The following MAGI2 variants were observed in gnomAD, a reference collection of about 807,000 sequenced individuals.
The protein encoded by MAGI2 is membrane-associated guanylate kinase, WW and PDZ domain-containing protein 2.
A neutral mutation model predicts 133.3 loss-of-function variants in MAGI2; 35 were observed. That is an observed-to-expected ratio of 0.26 (90% CI 0.20 to 0.35). The LOEUF is 0.35. Ranked by LOEUF, MAGI2 falls within the 10% of genes least tolerant of loss-of-function variation. The pLI is 1.00. For missense variants in MAGI2, 1,636 were observed against 1,863.4 expected, an observed-to-expected ratio of 0.88 and a Z score of 2.25; for synonymous variants, 729 against 710.6, an observed-to-expected ratio of 1.03 and a Z score of -0.41.
At chr7:79,355,222 G>C (rs948926248) in intron 1 of MAGI2, among the ~76,000 whole-genome samples, 2 of 152,154 alleles carry the variant, frequency 1.3e-5, no homozygotes, top group Admixed American at 1.3e-4. Flanking sequence ...GGTTCCCCAG[G>C]CAGCATAAAA....
At chr7:79,406,678 T>C (rs1845826913) in intron 1 of MAGI2, among the ~76,000 whole-genome samples, 1 of 152,124 alleles carries the variant, frequency 6.6e-6, no homozygotes, top group African/African-American at 2.4e-5. Context: ...ACTTTTGAGT[T>C]ACATAAGGAT....
intron 2 of MAGI2, among the ~76,000 whole-genome samples, chr7:78,655,454 C>CAAAAAAAAAAAAAAAAAAAAAAAACAAA: frequency 2.2e-4 from 14 of 64,944 alleles, no homozygotes; most frequent in African/African-American, 2.5e-4. Context: ...AAAAAACAAC[C>CAAAAAAAAAAAAAAAAAAAAAAAACAAA]AAAAAAAAAA....
intron 6 of MAGI2, among the ~76,000 whole-genome samples, chr7:78,472,651 T>C (rs1791338169): frequency 6.6e-6 from 1 of 152,154 alleles, no homozygotes. Flanking sequence ...AACTGCAATA[T>C]CATTCCTCTT....
At chr7:78,817,790 A>T (rs2151421499) in intron 2 of MAGI2, among the ~76,000 whole-genome samples, 1 of 151,666 alleles carries the variant, frequency 6.6e-6, no homozygotes, top group South Asian at 2.1e-4. Context: ...GCTTACTGCA[A>T]CCTCTGCCTC....
At chr7:78,482,857 T>C (rs568987810) in intron 6 of MAGI2, among the ~76,000 whole-genome samples, 6 of 147,818 alleles carry the variant, frequency 4.1e-5, no homozygotes, top group African/African-American at 1.2e-4. Flanking sequence ...TAACTACACA[T>C]GTGATATCAT....
intron 9 of MAGI2, among the ~76,000 whole-genome samples, chr7:78,291,338 T>C (rs1003698866): frequency 2.6e-5 from 4 of 152,066 alleles, no homozygotes; most frequent in Admixed American, 2.6e-4. Context: ...CTAGAAGAAA[T>C]GGATAAATTC....
intron 1 of MAGI2, among the ~76,000 whole-genome samples, chr7:79,433,904 G>T (rs1847957667): frequency 1.3e-5 from 2 of 152,162 alleles, no homozygotes; most frequent in Non-Finnish European, 2.9e-5. Context: ...AATGTATATT[G>T]TGATTTTCCT....
chr7:78,957,027 GC>G lies in MAGI2; in HGVS notation c.418+50062del, dbSNP rs1428206592. 2.0e-5 allele frequency among the ~76,000 whole-genome samples: 3 copies of G among 152,022 alleles called. No individual in the cohort carries two copies. In the East Asian group the frequency reaches 5.8e-4, roughly 29 times the overall value. ...GCCTGTAATCCCAGCACTTTGGGAG[GC>G]CGAGGTGGGTGGATCACCTGAGGTT... On this transcript the variant is annotated intron_variant, in intron 2 of 21. Transcript: ENST00000354212.
At chr7:78,922,146 TTTA>T (rs1345382409) in intron 2 of MAGI2, among the ~76,000 whole-genome samples, 8 of 87,370 alleles carry the variant, frequency 9.2e-5, no homozygotes, top group South Asian at 7.7e-4. Flanking sequence ...TCTTTCTTTC[TTTA>T]TTTTTTATTT....
chr7:78,286,748 G>T (rs757704129), intron 9 of MAGI2, among the ~76,000 whole-genome samples: 1 of 152,162 alleles, frequency 6.6e-6, no homozygotes, highest in Non-Finnish European at 1.5e-5. Flanking sequence ...GAAGCCCCAA[G>T]CATTGGTTCT....
intron 21 of MAGI2, among the ~76,000 whole-genome samples, chr7:78,069,880 T>A (rs1188701869): frequency 2.0e-5 from 3 of 151,888 alleles, no homozygotes; most frequent in African/African-American, 7.3e-5. Flanking sequence ...TCCTATTAGA[T>A]CCTAAAATAT....
chr7:78,084,209 T>C (rs1816364989), intron 20 of MAGI2, among the ~76,000 whole-genome samples: 1 of 152,224 alleles, frequency 6.6e-6, no homozygotes, highest in African/African-American at 2.4e-5. Context: ...TCATGAATAA[T>C]CTCTATTCCT....
At chr7:78,192,529 T>C (rs1433733892) in intron 12 of MAGI2, among the ~76,000 whole-genome samples, 5 of 151,282 alleles carry the variant, frequency 3.3e-5, no homozygotes, top group African/African-American at 9.7e-5. Flanking sequence ...CTGTCTTTTT[T>C]TTTTTTTTTT....
intron 2 of MAGI2, among the ~76,000 whole-genome samples, chr7:78,895,406 CTA>C (rs1232138468): frequency 1.3e-5 from 2 of 152,014 alleles, no homozygotes; most frequent in Non-Finnish European, 2.9e-5. Context: ...AAAACAGCAT[CTA>C]ACATATATAT....
intron 1 of MAGI2, among the ~76,000 whole-genome samples, chr7:79,226,641 T>C (rs1830885145): frequency 6.6e-6 from 1 of 152,180 alleles, no homozygotes; most frequent in Non-Finnish European, 1.5e-5. Flanking sequence ...TTTATTTCTA[T>C]CTTCCATTCT....
At chr7:78,693,845 C>T (rs12538564) in intron 2 of MAGI2, among the ~76,000 whole-genome samples, 4,533 of 152,238 alleles carry the variant, frequency 0.03, 112 homozygotes, top group Non-Finnish European at 0.046. Flanking sequence ...GCTGCCCACA[C>T]CCACCGCTGG....
chr7:78,804,761 A>AAAAAACAAAAAAC (rs1788406196), intron 2 of MAGI2, among the ~76,000 whole-genome samples: 2 of 143,524 alleles, frequency 1.4e-5, no homozygotes, highest in African/African-American at 2.6e-5. Context: ...AAAAAAAAAA[A>AAAAAACAAAAAAC]AAAAAAAAAA....
At chr7:78,501,902 C>G in intron 4 of MAGI2, 115 bp from the exon 5 acceptor site, 1 of 712,018 alleles carries the variant, frequency 1.4e-6, no homozygotes, top group Non-Finnish European at 2.4e-6. Context: ...TGAAGGCTAA[C>G]AGGAAACATT....
At position 78,019,889 on chromosome 7, in the gene MAGI2, A is replaced by G; in HGVS notation, c.3794T>C (p.Phe1265Ser). ...GVSLDDGLAP[F>S]SPSHPAPPSD... is the part of the protein sequence containing the mutation. ...GGGTGGGGCTGGATGTGATGGAGAG[A>G]ATGGAGCGAGGCCGTCGTCCAGGGA... The change falls in exon 22 of 22, where the codon TTC becomes TCC. Residue 1265 changes from phenylalanine to serine, a missense_variant. Physicochemically the swap from Phe to Ser is radical, Grantham distance 155. Coordinates refer to ENST00000354212, the MANE Select transcript of MAGI2 (RefSeq NM_012301.4). 1 of 1,612,392 alleles carries G rather than the reference A, an allele frequency of 6.2e-7. No individual in the cohort carries two copies.
Sources: gnomAD v4.1 joint callset for allele counts (sites outside exome capture counted in the v4.1 genomes callset) on GRCh38, gnomAD v4.1.1 for gene constraint, MANE v1.5 for transcripts, NCBI Gene and HGNC (gene_info 2026-07-23, HGNC 2026-07-21) for gene names.